Variants in SLC23A2 observed in about 807,000 individuals in gnomAD.
SLC23A2 encodes solute carrier family 23 member 2.
A neutral mutation model predicts 73.3 loss-of-function variants in SLC23A2; 36 were observed. The observed-to-expected ratio is 0.49, with a 90% CI of 0.38 to 0.65. The LOEUF is 0.65. Ranked by LOEUF, SLC23A2 falls within the 30% of genes least tolerant of loss-of-function variation. The probability of loss-of-function intolerance (pLI) is 0.00; values close to 1 mark genes in which losing one functional copy is unlikely to be tolerated. For missense variants in SLC23A2, 507 were observed against 841.6 expected (o/e 0.60, Z 4.92); for synonymous variants, 343 against 327.3 (o/e 1.05, Z -0.52).
In SLC23A2 at chr20:4,959,769, C is replaced by T. The variant is rs972996259; in HGVS notation, c.-155+11024G>A. Among the ~76,000 whole-genome samples, 7 of 152,102 alleles carry T rather than the reference C, an allele frequency of 4.6e-5. 1 individual carries two copies. The highest frequency in any genetic ancestry group is 4.1e-4 in the South Asian group (2 of 4,822). On this transcript the variant is annotated intron_variant, in intron 2 of 16. Coordinates refer to ENST00000338244, the MANE Select transcript of SLC23A2 (RefSeq NM_005116.6). Reference sequence around the variant, plus strand: ...ACCTCCAGATCACTGGGATTACAGGCGTGAGTCACCATATCAGCTATTTTT... The same window carrying T: ...ACCTCCAGATCACTGGGATTACAGGTGTGAGTCACCATATCAGCTATTTTT...
rs113137051 is a variant in SLC23A2 at position 4,943,505 on chromosome 20, C to CA, written c.-154-10790dup. 2.4e-3 allele frequency among the ~76,000 whole-genome samples: 338 copies of CA among 138,958 alleles called. 1 individual carries two copies. The highest frequency in any genetic ancestry group is 3.9e-3 in the Admixed American group (54 of 13,766). The allele number at this position is 138,958 out of a possible 152,430, so 91.2% of individuals were successfully genotyped here. A position where few individuals can be genotyped will look rare whatever the true frequency, so the allele number is the denominator to read the frequency against. On this transcript the variant is annotated intron_variant, in intron 2 of 16. Transcript: ENST00000338244. ...CAACGTGACGAAACCCCATTTCTAC[C>CA]AAAAAAAAAAAACAGAAAAATTAGC...
chr20:4,867,576 C>T (rs1371778703), intron 13 of SLC23A2, among the ~76,000 whole-genome samples, 194 bp downstream of exon 13: 1 of 148,844 alleles, frequency 6.7e-6, no homozygotes, highest in Non-Finnish European at 1.5e-5. Context: ...TGCCTCCCTA[C>T]CCGGACCAGC....
intron 6 of SLC23A2, among the ~76,000 whole-genome samples, chr20:4,893,754 A>G (rs1322737254): frequency 6.6e-6 from 1 of 152,200 alleles, no homozygotes; most frequent in African/African-American, 2.4e-5. Flanking sequence ...GTGTGCCTAC[A>G]GCAGGCCTGA....
chr20:4,893,263 C>A (rs955336210), intron 6 of SLC23A2, among the ~76,000 whole-genome samples: 1 of 152,030 alleles, frequency 6.6e-6, no homozygotes, highest in African/African-American at 2.4e-5. Flanking sequence ...CAAGGTCTCA[C>A]TATGTTGTCC....
chr20:4,886,967 C>T (rs1452228724), intron 6 of SLC23A2, among the ~76,000 whole-genome samples: 1 of 152,190 alleles, frequency 6.6e-6, no homozygotes, highest in Non-Finnish European at 1.5e-5. Flanking sequence ...AGCTAAAGGA[C>T]AAGCAGTCTC....
At chr20:4,963,667 G>T in intron 2 of SLC23A2, among the ~76,000 whole-genome samples, 1 of 152,076 alleles carries the variant, frequency 6.6e-6, no homozygotes. Context: ...GCCCAACATG[G>T]TGAAAACTCG....
intron 9 of SLC23A2, among the ~76,000 whole-genome samples, chr20:4,877,300 G>C (rs1026289054): frequency 9.2e-5 from 14 of 152,142 alleles, no homozygotes; most frequent in Non-Finnish European, 2.1e-4. Context: ...ATATATTTCA[G>C]CATTTTTTTT....
At position 4,987,508 on chromosome 20, in the gene SLC23A2, G is replaced by A. The variant is rs189608177; in HGVS notation, c.-282+13898C>T. ...GGGAGAGACTACCAAGAATATCTGT[G>A]AGGATTGCAGGGTCAATGTCAAGAT... On this transcript the variant is annotated intron_variant, in intron 1 of 16. Coordinates refer to ENST00000338244, the MANE Select transcript of SLC23A2 (RefSeq NM_005116.6). Among the ~76,000 whole-genome samples, 100 of 152,286 alleles carry A rather than the reference G, an allele frequency of 6.6e-4. 1 individual carries two copies. Among genetic ancestry groups the A allele is most frequent in the African/African-American group, 2.3e-3 (95 of 41,556 alleles).
At chr20:4,977,533 T>G (rs974537141) in intron 1 of SLC23A2, among the ~76,000 whole-genome samples, 4 of 150,700 alleles carry the variant, frequency 2.7e-5, no homozygotes, top group Non-Finnish European at 4.4e-5. Context: ...CCGACTCTAC[T>G]AAAAAACTAC....
At chr20:4,869,740 G>A (rs915882438) in intron 12 of SLC23A2, 166 bp downstream of exon 12, 14 of 571,258 alleles carry the variant, frequency 2.5e-5, no homozygotes, top group African/African-American at 1.5e-4. Context: ...GTATCAGACA[G>A]TCGAAAGTAA....
intron 16 of SLC23A2, among the ~76,000 whole-genome samples, chr20:4,859,061 CA>C (rs1428563824): frequency 6.6e-6 from 1 of 152,138 alleles, no homozygotes; most frequent in African/African-American, 2.4e-5. Context: ...TGCTGTCTCC[CA>C]AAAGTCCTTC....
chr20:4,856,695 C>A lies in SLC23A2; in HGVS notation c.*277G>T. 5.6e-6 allele frequency: 2 copies of A among 358,910 alleles called. No individual in the cohort carries two copies. The highest frequency in any genetic ancestry group is 5.1e-6 in the Non-Finnish European group (1 of 197,484). The allele number at this position is 358,910 out of a possible 1,614,324, so 22.2% of individuals were successfully genotyped here. On this transcript the variant is annotated 3_prime_UTR_variant, in exon 17 of 17. Transcript: ENST00000338244. The surrounding 1 kb of genome is among the most constrained non-coding windows in gnomAD (Gnocchi z 4.6). ...GGAATGGCTGCAGATTTTAAATGTC[C>A]ACTCCAAAGGGAGGACTGGAACTTC...
rs1203573220 is a variant in SLC23A2 at position 4,856,580 on chromosome 20, A to C, written c.*392T>G. 3 of 171,908 alleles carry C rather than the reference A, an allele frequency of 1.7e-5. No individual in the cohort carries two copies. Among genetic ancestry groups the C allele is most frequent in the East Asian group, 3.4e-4 (2 of 5,890 alleles). The allele number at this position is 171,908 out of a possible 1,614,324, so 10.6% of individuals were successfully genotyped here. ...GGTCAAATGACAAGGAAACAGGTCC[A>C]GGGGCTTCGGAGAGAGAGAGAAAGC... On this transcript the variant is annotated 3_prime_UTR_variant, in exon 17 of 17. Coordinates refer to ENST00000338244, the MANE Select transcript of SLC23A2 (RefSeq NM_005116.6). This position sits in a 1 kb window ranked among gnomAD's most constrained non-coding sequence, Gnocchi z 4.6.
chr20:4,865,684 G>C (rs1205269556), intron 13 of SLC23A2, among the ~76,000 whole-genome samples: 1 of 151,994 alleles, frequency 6.6e-6, no homozygotes, highest in Non-Finnish European at 1.5e-5. Flanking sequence ...GTCGTCCCTA[G>C]GGAACCTTGA....
upstream of SLC23A2, among the ~76,000 whole-genome samples, chr20:5,005,000 A>AAAATAAAT (rs11474342): frequency 0.25 from 36,373 of 143,096 alleles, 4,753 homozygotes; most frequent in Admixed American, 0.3. Context: ...CTCCGTCTCA[A>AAAATAAAT]AAATAAATAA....
At position 4,875,294 on chromosome 20, in the gene SLC23A2, A is replaced by G. The variant is rs531793772; in HGVS notation, c.825-598T>C. Among the ~76,000 whole-genome samples the G allele has an allele frequency of 6.6e-5, 10 of 152,372 alleles. No individual in the cohort carries two copies. In the South Asian group the frequency reaches 2.1e-3, roughly 32 times the overall value. Reference sequence around the variant, plus strand: ...TTCACTGCTCAAGAAAAGTAGATACAGTAGAATTCAGTATTAATAACATTC... The same window carrying G: ...TTCACTGCTCAAGAAAAGTAGATACGGTAGAATTCAGTATTAATAACATTC... On this transcript the variant is annotated intron_variant, in intron 9 of 16. Coordinates refer to ENST00000338244, the MANE Select transcript of SLC23A2 (RefSeq NM_005116.6).
rs767313172 is a variant in SLC23A2 at position 4,947,320 on chromosome 20, C to G, written c.-154-14604G>C. Among the ~76,000 whole-genome samples the G allele has an allele frequency of 1.1e-4, 16 of 152,284 alleles. No homozygotes were observed. The highest frequency in any genetic ancestry group is 6.2e-4 in the South Asian group (3 of 4,824). On this transcript the variant is annotated intron_variant, in intron 2 of 16. Coordinates refer to ENST00000338244, the MANE Select transcript of SLC23A2 (RefSeq NM_005116.6). The surrounding 1 kb of genome is among the most constrained non-coding windows in gnomAD (Gnocchi z 4.4). ...AGGGGCAGTATAGCAAAAAGTGCAG[C>G]CTGCATGACAAAATTAAAATCTGAA...
chr20:4,939,294 T>C (rs945160099), intron 2 of SLC23A2, among the ~76,000 whole-genome samples: 1 of 152,192 alleles, frequency 6.6e-6, no homozygotes, highest in African/African-American at 2.4e-5. Flanking sequence ...TGTGGTATAA[T>C]GTAAGAGTGG....
intron 9 of SLC23A2, among the ~76,000 whole-genome samples, chr20:4,880,199 C>T (rs2122820016): frequency 6.6e-6 from 1 of 152,348 alleles, no homozygotes; most frequent in South Asian, 2.1e-4. Context: ...CCTCCTTTCA[C>T]AGAGCTCTGG....
Sources: allele counts gnomAD v4.1 joint callset (sites outside exome capture counted in the v4.1 genomes callset), GRCh38; gene constraint gnomAD v4.1.1; non-coding constraint Gnocchi (gnomAD v3.1); transcripts MANE v1.5; gene names NCBI Gene and HGNC (gene_info 2026-07-23, HGNC 2026-07-21).